The following IL1R1 variants were observed in gnomAD, a reference collection of about 807,000 sequenced individuals.
The protein encoded by IL1R1 is interleukin-1 receptor type 1.
Under a neutral mutation model 50.2 loss-of-function variants are expected in IL1R1, and 22 were observed. The ratio of observed to expected loss-of-function variants is 0.44; its 90% CI spans 0.31 to 0.63. The LOEUF is 0.63. Among genes scored for constraint, IL1R1 ranks in the 20% least tolerant of loss-of-function variants. The pLI, the probability that IL1R1 is intolerant of heterozygous loss-of-function variation, is 0.07. For synonymous variants in IL1R1, 251 were observed against 236.7 expected (o/e 1.06, Z -0.55); for missense variants, 509 against 676.2 (o/e 0.75, Z 2.74).
At chr2:102,089,855 A>G (rs1679583344) in intron 1 of IL1R1, among the ~76,000 whole-genome samples, 1 of 141,512 alleles carries the variant, frequency 7.1e-6, no homozygotes, top group Non-Finnish European at 1.5e-5. Flanking sequence ...TTTTTTTGAG[A>G]CAGAGTCTCA....
At chr2:102,153,677 C>G (rs1683903572) in intron 1 of IL1R1, among the ~76,000 whole-genome samples, 1 of 152,280 alleles carries the variant, frequency 6.6e-6, no homozygotes, top group East Asian at 1.9e-4. Context: ...GTGTTTGGCA[C>G]TTCCCCCCTT....
At chr2:102,152,488 G>C (rs2104498843) in intron 1 of IL1R1, among the ~76,000 whole-genome samples, 1 of 112,440 alleles carries the variant, frequency 8.9e-6, no homozygotes, top group African/African-American at 3.5e-5. Context: ...CTGGGGGACA[G>C]AGCAAGACTC....
chr2:102,110,627 C>T (rs1337460064), intron 1 of IL1R1, among the ~76,000 whole-genome samples: 1 of 151,128 alleles, frequency 6.6e-6, no homozygotes, highest in Non-Finnish European at 1.5e-5. Context: ...CAGTGTCAGC[C>T]CCACTGTGGT....
At chr2:102,168,991 T>TC (rs1371050696) in intron 7 of IL1R1, among the ~76,000 whole-genome samples, 4 of 151,902 alleles carry the variant, frequency 2.6e-5, no homozygotes, top group Admixed American at 1.3e-4. Flanking sequence ...TTTTTTTTTT[T>TC]CACAGAGTTA....
At chr2:102,071,645 T>A (rs1471498635) in intron 1 of IL1R1, among the ~76,000 whole-genome samples, 3 of 152,132 alleles carry the variant, frequency 2.0e-5, no homozygotes, top group Admixed American at 1.3e-4. Flanking sequence ...AGCATAATAT[T>A]TGGCATTTCC....
Position 102,172,740 on chromosome 2 carries a change from T to C in IL1R1, c.893T>C (p.Ile298Thr). 6.2e-7 allele frequency: 1 copy of C among 1,612,808 alleles called. No individual in the cohort carries two copies. The highest frequency in any genetic ancestry group is 8.5e-7 in the Non-Finnish European group (1 of 1,178,864). The change falls in exon 9 of 12, where the codon ATA (isoleucine) becomes ACA (threonine). Residue 298 changes from isoleucine to threonine, a missense_variant. Coordinates refer to ENST00000410023, the MANE Select transcript of IL1R1 (RefSeq NM_000877.4). Reference sequence around the variant, plus strand: ...AGTACCCTCATCACAGTGCTTAATATATCGGAAATTGAAAGTAGATTTTAT... The same window carrying C: ...AGTACCCTCATCACAGTGCTTAATACATCGGAAATTGAAAGTAGATTTTAT... ...RRSTLITVLN[I>T]SEIESRFYKH... is the part of the protein sequence containing the mutation.
At chr2:102,083,998 T>A (rs920596126) in intron 1 of IL1R1, among the ~76,000 whole-genome samples, 2 of 152,162 alleles carry the variant, frequency 1.3e-5, no homozygotes, top group Admixed American at 1.3e-4. Context: ...TTAATTTTGT[T>A]TTTGCCCTGC....
At chr2:102,113,848 G>A (rs571802192) in intron 1 of IL1R1, among the ~76,000 whole-genome samples, 31 of 152,196 alleles carry the variant, frequency 2.0e-4, no homozygotes, top group East Asian at 1.4e-3. Flanking sequence ...TATGATTTTT[G>A]ATTTGTCTCT....
chr2:102,091,530 A>C (rs991950003), intron 1 of IL1R1, among the ~76,000 whole-genome samples: 1 of 152,190 alleles, frequency 6.6e-6, no homozygotes, highest in Non-Finnish European at 1.5e-5. Flanking sequence ...TATGGGGTAC[A>C]TGTGATATTT....
intron 2 of IL1R1, among the ~76,000 whole-genome samples, chr2:102,157,487 G>C (rs1005607879): frequency 1.3e-5 from 2 of 152,140 alleles, no homozygotes; most frequent in African/African-American, 2.4e-5. Context: ...ATCTTAAGTT[G>C]TTGAGTTTGT....
upstream of IL1R1, among the ~76,000 whole-genome samples, chr2:102,101,265 T>G (rs894880073): frequency 6.6e-6 from 1 of 152,218 alleles, no homozygotes; most frequent in African/African-American, 2.4e-5. Context: ...TTTTTTCAGA[T>G]GTAGAAACTG....
upstream of IL1R1, among the ~76,000 whole-genome samples, chr2:102,138,320 A>C (rs1682455836): frequency 6.6e-6 from 1 of 152,234 alleles, no homozygotes; most frequent in East Asian, 1.9e-4. Context: ...AGGTGCAAGA[A>C]GCCTCTTTCA....
chr2:102,175,940 T>A (rs1392835344), intron 11 of IL1R1: 15 of 512,382 alleles, frequency 2.9e-5, no homozygotes, highest in Non-Finnish European at 4.4e-5. Context: ...GATCAAATGA[T>A]TGAATAATAA....
At chr2:102,160,830 A>G (rs1684653636) in intron 3 of IL1R1, among the ~76,000 whole-genome samples, 1 of 152,052 alleles carries the variant, frequency 6.6e-6, no homozygotes, top group Non-Finnish European at 1.5e-5. Flanking sequence ...CTCCTAACCC[A>G]ATCTGGTGAT....
intron 1 of IL1R1, among the ~76,000 whole-genome samples, chr2:102,132,039 T>G (rs1415363340): frequency 1.3e-5 from 2 of 151,988 alleles, no homozygotes; most frequent in Non-Finnish European, 2.9e-5. Flanking sequence ...TGGAGCATGA[T>G]CTCTAACATA....
chr2:102,172,189 T>C, intron 8 of IL1R1: 1 of 795,118 alleles, frequency 1.3e-6, no homozygotes. Flanking sequence ...ACGAAGCAAT[T>C]ATCTTTCATT....
At chr2:102,174,133 T>C (rs1422419146) in intron 9 of IL1R1, among the ~76,000 whole-genome samples, 3 of 152,180 alleles carry the variant, frequency 2.0e-5, no homozygotes, top group African/African-American at 7.2e-5. Flanking sequence ...GCTTCCTCTT[T>C]AATTATTGGA....
At chr2:102,133,986 T>C (rs1043314037) in intron 1 of IL1R1, among the ~76,000 whole-genome samples, 1 of 152,222 alleles carries the variant, frequency 6.6e-6, no homozygotes, top group African/African-American at 2.4e-5. Flanking sequence ...CATAGTGGTC[T>C]ATGTAGGAAA....
At chr2:102,124,342 C>A (rs992980489) in intron 1 of IL1R1, among the ~76,000 whole-genome samples, 1 of 151,820 alleles carries the variant, frequency 6.6e-6, no homozygotes, top group African/African-American at 2.4e-5. Flanking sequence ...ATCGCTTGAA[C>A]CCAGGAGGTG....
Sources: gnomAD v4.1 joint callset for allele counts (sites outside exome capture counted in the v4.1 genomes callset) on GRCh38, gnomAD v4.1.1 for gene constraint, MANE v1.5 for transcripts, NCBI Gene and HGNC (gene_info 2026-07-23, HGNC 2026-07-21) for gene names.